The following PTPN3 variants were observed in gnomAD, a reference collection of about 807,000 sequenced individuals.
PTPN3 encodes the protein protein tyrosine phosphatase non-receptor type 3.
A neutral mutation model predicts 132.7 loss-of-function variants in PTPN3; 96 were observed. The ratio of observed to expected loss-of-function variants is 0.72; its 90% CI spans 0.61 to 0.86. PTPN3 has a LOEUF of 0.86. Ranked by LOEUF, PTPN3 falls within the 40% of genes least tolerant of loss-of-function variation. PTPN3 has a pLI of 0.00. For synonymous variants in PTPN3, 398 were observed against 429.0 expected, an observed-to-expected ratio of 0.93 and a Z score of 0.89; for missense variants, 1,125 against 1,159.6, an observed-to-expected ratio of 0.97 and a Z score of 0.43.
chr9:109,536,372 A>G, the PTPN3 span, among the ~76,000 whole-genome samples: 1 of 152,220 alleles, frequency 6.6e-6, no homozygotes, highest in East Asian at 1.9e-4. Context: ...CTACAAATGG[A>G]GTTGCTGGGT....
At chr9:109,424,262 G>A (rs1286375809) in intron 12 of PTPN3, among the ~76,000 whole-genome samples, 1 of 152,152 alleles carries the variant, frequency 6.6e-6, no homozygotes, top group Non-Finnish European at 1.5e-5. Context: ...ATCTCTAGGG[G>A]CTGGGCAAGT....
chr9:109,509,965 C>G, the PTPN3 span, among the ~76,000 whole-genome samples: 1 of 152,164 alleles, frequency 6.6e-6, no homozygotes, highest in Non-Finnish European at 1.5e-5. Context: ...CAGCCCGGCT[C>G]TCTTTTGTAC....
chr9:109,488,902 C>T (rs969635525), intron 1 of PTPN3, among the ~76,000 whole-genome samples: 8 of 152,222 alleles, frequency 5.3e-5, no homozygotes, highest in African/African-American at 1.9e-4. Context: ...CCATCCTCTT[C>T]TGCCTGGGTC....
intron 22 of PTPN3, among the ~76,000 whole-genome samples, chr9:109,386,264 A>T (rs3793568): frequency 0.8 from 120,996 of 152,076 alleles, 48,565 homozygotes; most frequent in African/African-American, 0.9. Flanking sequence ...GAAGAACAGG[A>T]TTCTAACGAT....
At position 109,379,474 on chromosome 9, in the gene PTPN3, C is replaced by A; in HGVS notation, c.*82G>T. 1 of 1,329,548 alleles carries A rather than the reference C, an allele frequency of 7.5e-7. No homozygotes were observed. Among genetic ancestry groups the A allele is most frequent in the South Asian group, 1.2e-5 (1 of 83,358 alleles). The allele number at this position is 1,329,548 out of a possible 1,614,324, so 82.4% of individuals were successfully genotyped here. A position where few individuals can be genotyped will look rare whatever the true frequency, so the allele number is the denominator to read the frequency against. On this transcript the variant is annotated 3_prime_UTR_variant, in exon 26 of 26. Coordinates refer to ENST00000374541, the MANE Select transcript of PTPN3 (RefSeq NM_002829.4). ...TCCTTTCCCACAGCTACTGGTTCCT[C>A]TTGCTGCTTCCAGAGAGGTCTGTCC... is the stretch of plus-strand genomic sequence containing the variant.
intron 1 of PTPN3, among the ~76,000 whole-genome samples, chr9:109,473,863 C>A (rs1325132301): frequency 6.6e-6 from 1 of 152,054 alleles, no homozygotes; most frequent in East Asian, 1.9e-4. Context: ...TCCTGACTTA[C>A]AACGCCATCC....
chr9:109,379,698 A>C, intron 25 of PTPN3, 65 bp from the exon 26 acceptor site: 1 of 1,355,144 alleles, frequency 7.4e-7, no homozygotes, highest in Non-Finnish European at 1.1e-6. Context: ...CACACCCTGT[A>C]CCGGTGGGTC....
chr9:109,447,138 CCT>C (rs1844917529), intron 6 of PTPN3, among the ~76,000 whole-genome samples: 1 of 152,094 alleles, frequency 6.6e-6, no homozygotes, highest in African/African-American at 2.4e-5. Context: ...ACAGATTTGC[CCT>C]GATTCACATG....
At position 109,383,568 on chromosome 9, in the gene PTPN3, AGAGT is replaced by A. The variant is rs1839310680; in HGVS notation, c.2254-21_2254-18del. On this transcript the variant is annotated intron_variant, in intron 22 of 25. Coordinates refer to ENST00000374541, the MANE Select transcript of PTPN3 (RefSeq NM_002829.4). ...ACATTTGGTCTGTAAGAAACCACCGAGAGTGAGTGAGCCCCGTCTGTGGGGTGTT... is the reference window on the plus strand; with the variant it reads ...ACATTTGGTCTGTAAGAAACCACCGAGAGTGAGCCCCGTCTGTGGGGTGTT... 2 of 1,612,084 alleles carry A rather than the reference AGAGT, an allele frequency of 1.2e-6. No homozygotes were observed. Among genetic ancestry groups the A allele is most frequent in the Non-Finnish European group, 1.7e-6 (2 of 1,178,736 alleles).
chr9:109,447,941 CG>C (rs1325729490), intron 6 of PTPN3, among the ~76,000 whole-genome samples: 1 of 152,132 alleles, frequency 6.6e-6, no homozygotes, highest in Admixed American at 6.5e-5. Flanking sequence ...GTGGGACTGT[CG>C]GGGGTGGGGT....
chr9:109,438,301 A>T, intron 7 of PTPN3, 67 bp from the exon 8 acceptor site: 9 of 1,463,366 alleles, frequency 6.2e-6, no homozygotes, highest in African/African-American at 1.4e-5. Context: ...TGCATTTATA[A>T]GCATCTACAG....
chr9:109,451,162 G>A, intron 5 of PTPN3: 1 of 957,746 alleles, frequency 1.0e-6, no homozygotes, highest in Non-Finnish European at 1.2e-6. Flanking sequence ...GAGGCTGAGG[G>A]AGGATCCTTT....
chr9:109,396,436 G>A (rs1449431236), intron 19 of PTPN3, among the ~76,000 whole-genome samples: 1 of 152,110 alleles, frequency 6.6e-6, no homozygotes, highest in Non-Finnish European at 1.5e-5. Context: ...GTTATTCCTG[G>A]GCTGAAGGAG....
chr9:109,401,042 G>A (rs892920506), intron 19 of PTPN3, among the ~76,000 whole-genome samples: 4 of 152,296 alleles, frequency 2.6e-5, no homozygotes, highest in African/African-American at 9.6e-5. Context: ...GCTTTCATCT[G>A]TTCTGTATTT....
intron 25 of PTPN3, 102 bp downstream of exon 25, chr9:109,381,550 C>T: frequency 6.7e-7 from 1 of 1,490,392 alleles, no homozygotes; most frequent in Non-Finnish European, 9.3e-7. Context: ...ATTCAGTCCC[C>T]CTGAGCTGCA....
chr9:109,534,410 T>C, the PTPN3 span: 2 of 1,429,964 alleles, frequency 1.4e-6, no homozygotes, highest in Admixed American at 2.7e-5. Context: ...AGGCCAGCGG[T>C]GGTGGTGGGG....
At chr9:109,413,370 G>GAT (rs1240222073) in intron 14 of PTPN3, among the ~76,000 whole-genome samples, 1 of 152,174 alleles carries the variant, frequency 6.6e-6, no homozygotes, top group Non-Finnish European at 1.5e-5. Context: ...AGGGCGCGGT[G>GAT]ATATTCTGTT....
At chr9:109,505,811 G>A in the PTPN3 span, among the ~76,000 whole-genome samples, 12 of 151,648 alleles carry the variant, frequency 7.9e-5, no homozygotes, top group East Asian at 1.9e-4. Context: ...GTGCAGTGGC[G>A]TGATCTCGGC....
At chr9:109,445,444 A>G (rs528391134) in intron 6 of PTPN3, 152 bp from the exon 7 acceptor site, 2 of 710,528 alleles carry the variant, frequency 2.8e-6, no homozygotes, top group South Asian at 1.8e-5. Flanking sequence ...TATGCTGCAC[A>G]TAAACAGTAA....
Sources: allele counts gnomAD v4.1 joint callset (sites outside exome capture counted in the v4.1 genomes callset), GRCh38; gene constraint gnomAD v4.1.1; transcripts MANE v1.5; gene names NCBI Gene and HGNC (gene_info 2026-07-23, HGNC 2026-07-21).